The following CTNNA3 variants were observed in gnomAD, a reference collection of about 807,000 sequenced individuals.
CTNNA3 encodes catenin alpha-3.
A neutral mutation model predicts 95.7 loss-of-function variants in CTNNA3; 76 were observed. The observed-to-expected ratio is 0.79, with a 90% CI of 0.66 to 0.96. The LOEUF is 0.96. CTNNA3 is among the 40% of genes least tolerant of loss of function. The pLI is 0.00. For missense variants in CTNNA3, 1,191 were observed against 1,089.8 expected, an observed-to-expected ratio of 1.09 and a Z score of -1.31; for synonymous variants, 431 against 374.4, an observed-to-expected ratio of 1.15 and a Z score of -1.74.
intron 1 of CTNNA3, among the ~76,000 whole-genome samples, chr10:67,709,168 C>T (rs986293940): frequency 3.9e-5 from 6 of 152,090 alleles, no homozygotes; most frequent in African/African-American, 1.4e-4. Context: ...AGCAGCATTT[C>T]AGTAGTGACA....
chr10:66,650,618 C>T (rs1301504756), intron 9 of CTNNA3, among the ~76,000 whole-genome samples: 1 of 152,106 alleles, frequency 6.6e-6, no homozygotes, highest in African/African-American at 2.4e-5. Flanking sequence ...TTCATTCCTT[C>T]AGATGTTCAG....
chr10:67,195,302 T>C (rs1017248757), intron 6 of CTNNA3, among the ~76,000 whole-genome samples: 7 of 151,978 alleles, frequency 4.6e-5, no homozygotes, highest in Non-Finnish European at 8.8e-5. Flanking sequence ...TAAAGACATA[T>C]GATCTAAAAT....
chr10:67,038,331 A>G (rs1468689851), intron 7 of CTNNA3, among the ~76,000 whole-genome samples: 2 of 152,086 alleles, frequency 1.3e-5, no homozygotes, highest in African/African-American at 4.8e-5. Flanking sequence ...TGTGCTTTTA[A>G]TATTTTAGTT....
intron 12 of CTNNA3, among the ~76,000 whole-genome samples, chr10:66,291,900 C>T (rs1389534517): frequency 6.7e-6 from 1 of 149,726 alleles, no homozygotes; most frequent in African/African-American, 2.5e-5. Flanking sequence ...GTGTGTATAC[C>T]AAACACTTTT....
intron 15 of CTNNA3, among the ~76,000 whole-genome samples, chr10:66,020,335 G>A (rs1382434168): frequency 1.3e-5 from 2 of 152,136 alleles, no homozygotes; most frequent in African/African-American, 4.8e-5. Flanking sequence ...GAGTTCCTGG[G>A]AAGAGACTGC....
chr10:67,206,236 T>C (rs1284579102), intron 6 of CTNNA3, among the ~76,000 whole-genome samples: 1 of 152,218 alleles, frequency 6.6e-6, no homozygotes, highest in Non-Finnish European at 1.5e-5. Flanking sequence ...TTATCATTTA[T>C]CTTGAGAACA....
At chr10:67,516,023 C>T (rs1194811720) in intron 5 of CTNNA3, among the ~76,000 whole-genome samples, 1 of 152,098 alleles carries the variant, frequency 6.6e-6, no homozygotes, top group Non-Finnish European at 1.5e-5. Flanking sequence ...AGTGCAATGG[C>T]ATGATCTCAT....
intron 7 of CTNNA3, among the ~76,000 whole-genome samples, chr10:67,058,907 A>G (rs1020979908): frequency 3.3e-5 from 5 of 152,174 alleles, no homozygotes; most frequent in African/African-American, 7.2e-5. Flanking sequence ...CCTATCTTCT[A>G]GGCAGGCGTC....
intron 5 of CTNNA3, among the ~76,000 whole-genome samples, chr10:67,225,781 G>GA (rs1397174429): frequency 1.3e-4 from 20 of 151,494 alleles, no homozygotes; most frequent in Non-Finnish European, 2.4e-4. Context: ...GAAGGAACCA[G>GA]AAAAAAAAAT....
intron 7 of CTNNA3, among the ~76,000 whole-genome samples, chr10:66,989,079 C>G (rs1187423636): frequency 6.6e-6 from 1 of 151,268 alleles, no homozygotes; most frequent in Non-Finnish European, 1.5e-5. Context: ...TTTTTTATTT[C>G]CTGTATTTCC....
Position 66,925,396 on chromosome 10 carries a change from T to C in CTNNA3, c.1048-149872A>G, listed in dbSNP as rs181729956. Among the ~76,000 whole-genome samples, 292 of 152,326 alleles carry C rather than the reference T, an allele frequency of 1.9e-3. 1 individual carries two copies. Among genetic ancestry groups the C allele is most frequent in the African/African-American group, 6.6e-3 (275 of 41,576 alleles). ...ATGAACCAAATGATCTCTTGATTCG[T>C]ATCCTAACACTAAAAATGGTTTATT... On this transcript the variant is annotated intron_variant, in intron 7 of 17. Coordinates refer to ENST00000433211, the MANE Select transcript of CTNNA3 (RefSeq NM_013266.4).
At chr10:67,668,867 C>CTCACA (rs1208648151) in intron 1 of CTNNA3, among the ~76,000 whole-genome samples, 3 of 119,920 alleles carry the variant, frequency 2.5e-5, no homozygotes, top group African/African-American at 9.5e-5. Context: ...GAGACGGAGT[C>CTCACA]TCACACTGTC....
chr10:67,166,215 T>C (rs1861764658), intron 7 of CTNNA3, among the ~76,000 whole-genome samples: 1 of 152,204 alleles, frequency 6.6e-6, no homozygotes, highest in Non-Finnish European at 1.5e-5. Context: ...ATAACGCACA[T>C]TTTAGAAATA....
At chr10:66,970,570 T>TA (rs1849666375) in intron 7 of CTNNA3, among the ~76,000 whole-genome samples, 2 of 152,024 alleles carry the variant, frequency 1.3e-5, no homozygotes, top group Non-Finnish European at 2.9e-5. Context: ...TAAATTCTAA[T>TA]AATGCCAAGA....
intron 9 of CTNNA3, among the ~76,000 whole-genome samples, chr10:66,680,476 G>A (rs1240131617): frequency 6.6e-6 from 1 of 152,194 alleles, no homozygotes; most frequent in Non-Finnish European, 1.5e-5. Context: ...GCAAAATTCT[G>A]TCATTTATGT....
At chr10:66,587,735 T>C (rs1843408780) in intron 10 of CTNNA3, among the ~76,000 whole-genome samples, 1 of 152,106 alleles carries the variant, frequency 6.6e-6, no homozygotes, top group Admixed American at 6.5e-5. Context: ...ATCCCACTCA[T>C]AATGTTCGCT....
chr10:66,256,582 A>T (rs1242914826), intron 13 of CTNNA3, among the ~76,000 whole-genome samples: 1 of 152,002 alleles, frequency 6.6e-6, no homozygotes, highest in Non-Finnish European at 1.5e-5. Flanking sequence ...TTAGCCGGTC[A>T]TGGTGGCACA....
chr10:67,625,170 A>T (rs1838913468), intron 2 of CTNNA3, among the ~76,000 whole-genome samples: 1 of 152,188 alleles, frequency 6.6e-6, no homozygotes, highest in Non-Finnish European at 1.5e-5. Context: ...CCAAGCTCTC[A>T]GCAAAGTTTT....
intron 7 of CTNNA3, among the ~76,000 whole-genome samples, chr10:66,985,379 G>T (rs1426649293): frequency 6.6e-6 from 1 of 152,148 alleles, no homozygotes. Flanking sequence ...CTACAGCTCA[G>T]AACATGAAAA....
Sources: gnomAD v4.1 joint callset for allele counts (sites outside exome capture counted in the v4.1 genomes callset) on GRCh38, gnomAD v4.1.1 for gene constraint, MANE v1.5 for transcripts, NCBI Gene and HGNC (gene_info 2026-07-23, HGNC 2026-07-21) for gene names.